Variants in SLC1A1 observed in about 807,000 individuals in gnomAD.
SLC1A1 encodes excitatory amino acid transporter 3.
Under a neutral mutation model 53.3 loss-of-function variants are expected in SLC1A1, and 43 were observed. That is an observed-to-expected ratio of 0.81 (90% CI 0.63 to 1.04). SLC1A1 has a LOEUF of 1.04. SLC1A1 is among the 50% of genes least tolerant of loss of function. The pLI is 0.00. For missense variants in SLC1A1, 748 were observed against 664.9 expected, an observed-to-expected ratio of 1.12 and a Z score of -1.37; for synonymous variants, 307 against 243.2, an observed-to-expected ratio of 1.26 and a Z score of -2.44.
chr9:4,540,353 A>G (rs1816900365), intron 1 of SLC1A1, among the ~76,000 whole-genome samples: 1 of 152,156 alleles, frequency 6.6e-6, no homozygotes, highest in Non-Finnish European at 1.5e-5. Context: ...CTGGACACCA[A>G]ACAAGAGCTC....
intron 1 of SLC1A1, among the ~76,000 whole-genome samples, chr9:4,535,596 G>A (rs1396645639): frequency 1.3e-5 from 2 of 152,104 alleles, no homozygotes; most frequent in Admixed American, 1.3e-4. Context: ...ATGCTCATGG[G>A]TAGGAAGAAT....
At chr9:4,503,225 C>A (rs542796928) in intron 1 of SLC1A1, among the ~76,000 whole-genome samples, 1 of 151,902 alleles carries the variant, frequency 6.6e-6, no homozygotes, top group East Asian at 1.9e-4. Context: ...TCTGTCATGG[C>A]CTCAGAATCC....
chr9:4,576,514 G>T, intron 9 of SLC1A1, 55 bp from the exon 10 acceptor site: 1 of 1,442,460 alleles, frequency 6.9e-7, no homozygotes, highest in South Asian at 1.1e-5. Context: ...TCTTCAGGCA[G>T]GGACTAAGGT....
chr9:4,490,641 G>A lies in SLC1A1; in HGVS notation c.-39G>A. 1 of 1,577,840 alleles carries A rather than the reference G, an allele frequency of 6.3e-7. No homozygotes were observed. Among genetic ancestry groups the A allele is most frequent in the Non-Finnish European group, 8.7e-7 (1 of 1,150,328 alleles). On this transcript the variant is annotated 5_prime_UTR_variant, in exon 1 of 12. Transcript: ENST00000262352. Reference sequence around the variant, plus strand: ...AGTCCCCGGGTCGCCCAGCCCACGCGCGCACGGCCGAGCCCAGCGCACAAT... The same window carrying A: ...AGTCCCCGGGTCGCCCAGCCCACGCACGCACGGCCGAGCCCAGCGCACAAT...
At chr9:4,505,196 A>G (rs1820763964) in intron 1 of SLC1A1, among the ~76,000 whole-genome samples, 1 of 151,592 alleles carries the variant, frequency 6.6e-6, no homozygotes, top group East Asian at 1.9e-4. Flanking sequence ...ACAGATGTGC[A>G]ACACCATGCC....
chr9:4,537,555 G>T lies in SLC1A1; in HGVS notation c.92-7012G>T, dbSNP rs1262070155. 5.5e-5 allele frequency among the ~76,000 whole-genome samples: 2 copies of T among 36,310 alleles called. 1 individual carries two copies. Among genetic ancestry groups the T allele is most frequent in the Non-Finnish European group, 1.3e-4 (2 of 14,866 alleles). 23.8% of individuals were successfully genotyped at this position (36,310 alleles called of 152,430 possible). On this transcript the variant is annotated intron_variant, in intron 1 of 11. Transcript: ENST00000262352. The stretch of plus-strand genomic sequence containing the variant: ...CAGTCCGGCCTGGGCGACAGAGCGA[G>T]ACTCCGTCTCAAAAAAATAAAATAA...
In SLC1A1 at chr9:4,583,882, T is replaced by TCTCTCTCTCTCACACA. The variant is rs1423949414; in HGVS notation, c.1328+711_1328+712insTCTCTCTCTCACACAC. On this transcript the variant is annotated intron_variant, in intron 11 of 11. Transcript: ENST00000262352. The surrounding 1 kb of genome is among the most constrained non-coding windows in gnomAD (Gnocchi z 4.6). ...CTCTCTCTCTCTCTCTCTCTCTCTCTCACACACACACACACACACACACAC... is the reference window on the plus strand; with the variant it reads ...CTCTCTCTCTCTCTCTCTCTCTCTCTCTCTCTCTCTCACACACACACACACACACACACACACACAC... 5.1e-5 allele frequency among the ~76,000 whole-genome samples: 7 copies of TCTCTCTCTCTCACACA among 137,042 alleles called. No homozygotes were observed. Among genetic ancestry groups the TCTCTCTCTCTCACACA allele is most frequent in the African/African-American group, 2.0e-4 (7 of 35,354 alleles). 89.9% of individuals were successfully genotyped at this position (137,042 alleles called of 152,430 possible). A position where few individuals can be genotyped will look rare whatever the true frequency, so the allele number is the denominator to read the frequency against.
intron 1 of SLC1A1, among the ~76,000 whole-genome samples, chr9:4,530,410 A>C (rs1278186605): frequency 6.6e-6 from 1 of 152,218 alleles, no homozygotes; most frequent in African/African-American, 2.4e-5. Flanking sequence ...TCAAGATCCA[A>C]GCGTCCTGGG....
intron 1 of SLC1A1, among the ~76,000 whole-genome samples, chr9:4,512,702 GATGA>G (rs1433833365): frequency 1.3e-5 from 2 of 152,120 alleles, no homozygotes; most frequent in Non-Finnish European, 2.9e-5. Flanking sequence ...CAACCTAATA[GATGA>G]ATGAAGCAGA....
intron 1 of SLC1A1, among the ~76,000 whole-genome samples, chr9:4,542,501 G>C (rs1347417623): frequency 6.6e-6 from 1 of 152,144 alleles, no homozygotes; most frequent in Non-Finnish European, 1.5e-5. Context: ...GGGGCACATG[G>C]GTTTCTCTTG....
intron 4 of SLC1A1, 47 bp downstream of exon 4, chr9:4,564,505 C>T (rs1347630983): frequency 2.8e-6 from 3 of 1,064,712 alleles, no homozygotes; most frequent in Non-Finnish European, 1.5e-6. Context: ...CGGATAGCAG[C>T]ACAAGGCCTT....
At chr9:4,524,060 A>G (rs1057369948) in intron 1 of SLC1A1, among the ~76,000 whole-genome samples, 5 of 152,164 alleles carry the variant, frequency 3.3e-5, no homozygotes, top group Non-Finnish European at 7.4e-5. Context: ...TCTCATCTAT[A>G]TTTCCCCATT....
intron 7 of SLC1A1, among the ~76,000 whole-genome samples, chr9:4,573,547 T>A (rs1820260976): frequency 6.6e-6 from 1 of 152,136 alleles, no homozygotes; most frequent in Non-Finnish European, 1.5e-5. Context: ...AGAGCCATAT[T>A]TGGCAGTGAG....
intron 11 of SLC1A1, among the ~76,000 whole-genome samples, chr9:4,584,350 T>C (rs905020648): frequency 6.6e-6 from 1 of 152,222 alleles, no homozygotes; most frequent in African/African-American, 2.4e-5. Flanking sequence ...AGTCAAGATT[T>C]GGTTCTTTCT....
rs1161329288 is a variant in SLC1A1 at position 4,556,147 on chromosome 9, C to A, written c.233-5302C>A. On this transcript the variant is annotated intron_variant, in intron 2 of 11. Transcript: ENST00000262352. The surrounding 1 kb of genome is among the most constrained non-coding windows in gnomAD (Gnocchi z 4.1). Reference sequence around the variant, plus strand: ...GGGATTGCAGGTGCACACCATCACACCCAGCAAATTTGTGTGTGTGTGTGG... The same window carrying A: ...GGGATTGCAGGTGCACACCATCACAACCAGCAAATTTGTGTGTGTGTGTGG... Among the ~76,000 whole-genome samples the A allele has an allele frequency of 6.6e-6, 1 of 152,020 alleles. No homozygotes were observed. The highest frequency in any genetic ancestry group is 2.4e-5 in the African/African-American group (1 of 41,378).
Position 4,497,841 on chromosome 9 carries a change from ACTCT to A in SLC1A1, c.91+7074_91+7077del, listed in dbSNP as rs150379497. Among the ~76,000 whole-genome samples the A allele has an allele frequency of 2.7e-3, 407 of 152,244 alleles. 2 individuals are homozygous for A. Among genetic ancestry groups the A allele is most frequent in the African/African-American group, 8.9e-3 (371 of 41,526 alleles). On this transcript the variant is annotated intron_variant, in intron 1 of 11. Transcript: ENST00000262352. ...TTAAAAAAGTATATCTGATACCTAT[ACTCT>A]CTGAGTCTTTGTTTCTTATTAACAA...
Position 4,490,760 on chromosome 9 carries a change from G to C in SLC1A1, c.81G>C (p.Ala27=), listed in dbSNP as rs2229885. 37,405 of 1,611,722 alleles carry C rather than the reference G, an allele frequency of 0.023. 534 individuals are homozygous for C. The highest frequency in any genetic ancestry group is 0.028 in the Non-Finnish European group (32,993 of 1,178,384). Residue 27 remains alanine, a synonymous_variant, in exon 1 of 12, where the codon GCG becomes GCC. Transcript: ENST00000262352. ...GGGTGTTGCTGTCCACCGTGGCCGC[G>C]GTGGTGCTAGGTGAGCGGCGCGGCG... The part of the protein sequence containing the change: ...NNWVLLSTVA[A]VVLGITTGVL...
chr9:4,500,385 G>T (rs779633427), intron 1 of SLC1A1, among the ~76,000 whole-genome samples: 50 of 152,134 alleles, frequency 3.3e-4, no homozygotes, highest in Non-Finnish European at 6.0e-4. Flanking sequence ...CTCGGCTACT[G>T]CAACCTCCAC....
At chr9:4,546,754 C>A (rs1817527598) in intron 2 of SLC1A1, among the ~76,000 whole-genome samples, 1 of 152,220 alleles carries the variant, frequency 6.6e-6, no homozygotes, top group Admixed American at 6.5e-5. Flanking sequence ...ACCTCAACCT[C>A]CCAAAGTGCT....
Sources: allele counts gnomAD v4.1 joint callset (sites outside exome capture counted in the v4.1 genomes callset), GRCh38; gene constraint gnomAD v4.1.1; non-coding constraint Gnocchi (gnomAD v3.1); transcripts MANE v1.5; gene names NCBI Gene and HGNC (gene_info 2026-07-23, HGNC 2026-07-21).